ATP9A: variants seen among roughly 807,000 people sequenced by gnomAD.
ATP9A encodes the protein probable phospholipid-transporting ATPase IIA.
ATP9A carries 52 observed loss-of-function variants against 144.1 expected under a neutral mutation model. That is an observed-to-expected ratio of 0.36 (90% CI 0.29 to 0.45). The LOEUF (loss-of-function observed/expected upper bound fraction) is 0.45, where lower values mean the gene tolerates loss of function less well. Ranked by LOEUF, ATP9A falls within the 20% of genes least tolerant of loss-of-function variation. The pLI is 1.00. For missense variants in ATP9A, 947 were observed against 1,392.7 expected (o/e 0.68, Z 5.09); for synonymous variants, 582 against 557.4 (o/e 1.04, Z -0.62).
chr20:51,630,825 G>A (rs1306948297), intron 15 of ATP9A, among the ~76,000 whole-genome samples: 1 of 152,110 alleles, frequency 6.6e-6, no homozygotes, highest in African/African-American at 2.4e-5. Context: ...TGTCAACCTT[G>A]ATGTTATCGC....
intron 14 of ATP9A, among the ~76,000 whole-genome samples, chr20:51,644,141 A>T (rs1004205551): frequency 6.6e-6 from 1 of 152,098 alleles, no homozygotes; most frequent in African/African-American, 2.4e-5. Context: ...CCTCAAAAAT[A>T]AATAAATAAA....
intron 23 of ATP9A, 100 bp downstream of exon 23, chr20:51,613,577 A>T: frequency 7.9e-7 from 1 of 1,266,218 alleles, no homozygotes; most frequent in Admixed American, 2.7e-5. Context: ...TTCCATGATA[A>T]TTACATAGCC....
chr20:51,619,212 G>C (rs2122721079), intron 19 of ATP9A, among the ~76,000 whole-genome samples, 169 bp from the exon 20 acceptor site: 1 of 152,298 alleles, frequency 6.6e-6, no homozygotes, highest in South Asian at 2.1e-4. Flanking sequence ...GGTTGACTCT[G>C]CAGGAATCAA....
intron 1 of ATP9A, among the ~76,000 whole-genome samples, chr20:51,752,004 T>A (rs1414380664): frequency 1.3e-5 from 2 of 151,570 alleles, no homozygotes; most frequent in African/African-American, 4.9e-5. Flanking sequence ...ACGAGGGCAC[T>A]GCTCTCACAG....
chr20:51,764,533 C>T (rs1194675735), intron 1 of ATP9A, among the ~76,000 whole-genome samples: 1 of 152,218 alleles, frequency 6.6e-6, no homozygotes, highest in African/African-American at 2.4e-5. Context: ...TAACTGCATT[C>T]TGTCCCCTAT....
At chr20:51,740,131 T>G (rs1042335303) in intron 1 of ATP9A, among the ~76,000 whole-genome samples, 2 of 152,006 alleles carry the variant, frequency 1.3e-5, no homozygotes, top group Non-Finnish European at 2.9e-5. Flanking sequence ...ATCATAGCTC[T>G]CTGGAGCCTC....
intron 4 of ATP9A, among the ~76,000 whole-genome samples, chr20:51,702,291 C>CAAA (rs568902724): frequency 2.0e-5 from 2 of 101,282 alleles, no homozygotes; most frequent in African/African-American, 3.4e-5. Flanking sequence ...GACTCTGTCT[C>CAAA]AAAAAAAAAA....
Position 51,657,109 on chromosome 20 carries a change from G to A in ATP9A, c.1335C>T (p.Thr445=). ...TGCTCATGGTCCGCCGGACCTTAGTGGTGAGCGTTGGGCCCTTCTGAGCCG... is the reference window on the plus strand; with the variant it reads ...TGCTCATGGTCCGCCGGACCTTAGTAGTGAGCGTTGGGCCCTTCTGAGCCG... ...DPPAQKGPTL[T]TKVRRTMSSR... is the part of the protein sequence containing the mutation. The change falls in exon 14 of 28, where the codon ACC becomes ACT. Residue 445 remains threonine, a synonymous_variant. Transcript: ENST00000338821. 3 of 1,614,188 alleles carry A rather than the reference G, an allele frequency of 1.9e-6. No individual in the cohort carries two copies. The highest frequency in any genetic ancestry group is 2.5e-6 in the Non-Finnish European group (3 of 1,180,040).
chr20:51,720,463 C>T (rs950209320), intron 3 of ATP9A, among the ~76,000 whole-genome samples: 2 of 152,102 alleles, frequency 1.3e-5, no homozygotes, highest in Admixed American at 6.6e-5. Flanking sequence ...GCAGAGTAGC[C>T]GACAGGAGCT....
chr20:51,608,144 G>T (rs1158739141), intron 25 of ATP9A, among the ~76,000 whole-genome samples: 1 of 151,684 alleles, frequency 6.6e-6, no homozygotes, highest in Non-Finnish European at 1.5e-5. Flanking sequence ...TTATACACCT[G>T]CCTAGGCACA....
intron 23 of ATP9A, among the ~76,000 whole-genome samples, chr20:51,613,338 T>G (rs755097420): frequency 1.3e-5 from 2 of 152,206 alleles, no homozygotes. Context: ...AAATAACTCA[T>G]GTACACTCCA....
rs115231375 is a variant in ATP9A, at chr20:51,685,418, T to G, written c.799+3646A>C. On this transcript the variant is annotated intron_variant, in intron 9 of 27. Transcript: ENST00000338821. The stretch of plus-strand genomic sequence containing the variant: ...TACTAAAAATCCAAAAAAAGTTAGC[T>G]GGGCGTGTTGGCGGGCCCCTATAAT... 9.2e-3 allele frequency among the ~76,000 whole-genome samples: 1,391 copies of G among 151,808 alleles called. 22 individuals carry two copies. The highest frequency in any genetic ancestry group is 0.031 in the African/African-American group (1,302 of 41,354).
intron 11 of ATP9A, among the ~76,000 whole-genome samples, chr20:51,672,092 G>A (rs1036387405): frequency 5.3e-5 from 8 of 152,084 alleles, no homozygotes; most frequent in African/African-American, 1.2e-4. Flanking sequence ...GAGCCACCAC[G>A]CCTGGCCGGA....
chr20:51,678,104 C>T (rs1469448494), intron 9 of ATP9A, among the ~76,000 whole-genome samples: 1 of 121,184 alleles, frequency 8.3e-6, no homozygotes, highest in Non-Finnish European at 1.6e-5. Context: ...TCAAGTCAAG[C>T]GGAGAAACAT....
intron 1 of ATP9A, among the ~76,000 whole-genome samples, chr20:51,758,247 AGTT>A (rs947084784): frequency 5.9e-4 from 90 of 152,330 alleles, no homozygotes; most frequent in African/African-American, 7.2e-4. Context: ...AACAGATACT[AGTT>A]GTTAAAATCA....
chr20:51,725,783 C>T (rs750867118), intron 3 of ATP9A, 36 bp downstream of exon 3: 2 of 1,407,518 alleles, frequency 1.4e-6, no homozygotes, highest in South Asian at 2.3e-5. Flanking sequence ...TTCCAAACCT[C>T]TAAGGTTACT....
chr20:51,718,108 C>T (rs141930611), intron 3 of ATP9A, among the ~76,000 whole-genome samples: 175 of 152,216 alleles, frequency 1.1e-3, no homozygotes, highest in African/African-American at 4.1e-3. Flanking sequence ...TAAGGGGAGG[C>T]GGCAGAGACC....
chr20:51,700,602 G>T (rs147669073), intron 4 of ATP9A, among the ~76,000 whole-genome samples: 1 of 152,146 alleles, frequency 6.6e-6, no homozygotes, highest in Non-Finnish European at 1.5e-5. Context: ...AGGCCGAGGC[G>T]GGCGGATCAC....
chr20:51,729,976 C>T lies in ATP9A; in HGVS notation c.71G>A (p.Cys24Tyr). 1.3e-6 allele frequency: 2 copies of T among 1,537,016 alleles called. No homozygotes were observed. The highest frequency in any genetic ancestry group is 8.7e-7 in the Non-Finnish European group (1 of 1,147,462). ...KRMDSRPRAGCCEWLRCCGGG... is the reference protein window; with the variant it reads ...KRMDSRPRAGYCEWLRCCGGG... ...ACCGCAGCATCTCAGCCACTCGCAG[C>T]ACCTGTGGGAAAGAAACCCACGCAT... Residue 24 changes from cysteine to tyrosine, a missense_variant and splice_region_variant, in exon 2 of 28, where the codon TGC becomes TAC. Transcript: ENST00000338821.
Sources: gnomAD v4.1 joint callset for allele counts (sites outside exome capture counted in the v4.1 genomes callset) on GRCh38, gnomAD v4.1.1 for gene constraint, MANE v1.5 for transcripts, NCBI Gene and HGNC (gene_info 2026-07-23, HGNC 2026-07-21) for gene names.